The following LRBA variants were observed in gnomAD, a reference collection of about 807,000 sequenced individuals.
LRBA encodes the protein lipopolysaccharide-responsive and beige-like anchor protein.
LRBA carries 176 observed loss-of-function variants against 330.0 expected under a neutral mutation model. The observed-to-expected ratio is 0.53, with a 90% confidence interval of 0.47 to 0.60. LRBA has a LOEUF of 0.60. Ranked by LOEUF, LRBA falls within the 20% of genes least tolerant of loss-of-function variation. The pLI is 0.00. For synonymous variants in LRBA, 1,230 were observed against 1,193.0 expected (o/e 1.03, Z -0.64); for missense variants, 3,259 against 3,444.8 (o/e 0.95, Z 1.35).
At chr4:150,954,948 A>G (rs1187780343) in intron 2 of LRBA, among the ~76,000 whole-genome samples, 2 of 148,272 alleles carry the variant, frequency 1.3e-5, no homozygotes, top group African/African-American at 5.3e-5. Flanking sequence ...TAAACAACAC[A>G]CTCCTAAATA....
At chr4:150,372,301 T>C (rs1561081130) in intron 47 of LRBA, among the ~76,000 whole-genome samples, 1 of 151,980 alleles carries the variant, frequency 6.6e-6, no homozygotes, top group Non-Finnish European at 1.5e-5. Context: ...GTATTTTATT[T>C]CTGTATAAAA....
intron 47 of LRBA, among the ~76,000 whole-genome samples, chr4:150,355,634 T>C (rs1426554129): frequency 6.6e-6 from 1 of 152,110 alleles, no homozygotes; most frequent in African/African-American, 2.4e-5. Flanking sequence ...ACAAAGGTTC[T>C]GAGATACAAA....
At chr4:150,956,262 C>T (rs1204908473) in intron 2 of LRBA, among the ~76,000 whole-genome samples, 2 of 148,630 alleles carry the variant, frequency 1.3e-5, no homozygotes. Flanking sequence ...AATAATTAGA[C>T]AACTTAGATA....
In LRBA at chr4:150,806,361, G is replaced by A; in HGVS notation, c.5428C>T (p.Leu1810Phe). The A allele has an allele frequency of 1.2e-6, 2 of 1,610,886 alleles. No individual in the cohort carries two copies. The highest frequency in any genetic ancestry group is 1.7e-6 in the Non-Finnish European group (2 of 1,178,606). The change falls in exon 33 of 57, where the codon CTC becomes TTC. Residue 1810 changes from leucine (L) to phenylalanine (F), a missense_variant. Transcript: ENST00000651943. ...LEHALEKAAP[L>F]LREIFVDFAP... Reference sequence around the variant, plus strand: ...AAATCCACAAAAATCTCACGAAGGAGAGGAGCTGCCTTTTCCAAAGCGTGT... The same window carrying A: ...AAATCCACAAAAATCTCACGAAGGAAAGGAGCTGCCTTTTCCAAAGCGTGT...
intron 22 of LRBA, among the ~76,000 whole-genome samples, chr4:150,864,157 CAATCTCTTGGCCT>C (rs958238805): frequency 6.6e-6 from 1 of 151,872 alleles, no homozygotes; most frequent in Non-Finnish European, 1.5e-5. Flanking sequence ...AGGATGATCT[CAATCTCTTGGCCT>C]CATGATCCAC....
At chr4:150,970,522 C>T (rs1226501927) in intron 2 of LRBA, 3 of 58,758 alleles carry the variant, frequency 5.1e-5, no homozygotes, top group East Asian at 1.1e-3. Flanking sequence ...ATAATATATA[C>T]TTGTGTGTGT....
At chr4:150,648,382 A>G (rs1779406089) in intron 37 of LRBA, among the ~76,000 whole-genome samples, 1 of 151,968 alleles carries the variant, frequency 6.6e-6, no homozygotes, top group South Asian at 2.1e-4. Context: ...AGAAAGTTCA[A>G]GATCTAAGAA....
chr4:150,883,289 G>A (rs1235351158), intron 17 of LRBA, among the ~76,000 whole-genome samples: 1 of 151,976 alleles, frequency 6.6e-6, no homozygotes, highest in African/African-American at 2.4e-5. Context: ...GGTGAAACGT[G>A]TCTCTACTAA....
At chr4:150,267,888 C>A (rs1373602195) in intron 56 of LRBA, among the ~76,000 whole-genome samples, 3 of 151,874 alleles carry the variant, frequency 2.0e-5, no homozygotes, top group African/African-American at 7.3e-5. Context: ...GGGGAAACCT[C>A]GTCTCTACTA....
chr4:150,268,610 C>T (rs1080194), intron 56 of LRBA, among the ~76,000 whole-genome samples: 14,017 of 152,150 alleles, frequency 0.092, 928 homozygotes, highest in South Asian at 0.23. Flanking sequence ...AAAAGTCAAC[C>T]AACATATAAC....
intron 5 of LRBA, among the ~76,000 whole-genome samples, chr4:150,917,679 C>A (rs1386116255): frequency 6.6e-6 from 1 of 152,106 alleles, no homozygotes; most frequent in Non-Finnish European, 1.5e-5. Flanking sequence ...GTAATCCCAG[C>A]ACTTTGGGAG....
At chr4:150,504,566 C>T (rs1760784731) in intron 40 of LRBA, among the ~76,000 whole-genome samples, 1 of 152,172 alleles carries the variant, frequency 6.6e-6, no homozygotes, top group Non-Finnish European at 1.5e-5. Flanking sequence ...CACCACCAGG[C>T]CTGCCCTAAA....
chr4:150,827,714 G>A (rs1746477589), intron 30 of LRBA, among the ~76,000 whole-genome samples: 1 of 150,824 alleles, frequency 6.6e-6, no homozygotes, highest in African/African-American at 2.4e-5. Context: ...CGATTCTCCT[G>A]CCTCAGCCTC....
At chr4:150,857,862 T>C (rs574830464) in intron 22 of LRBA, among the ~76,000 whole-genome samples, 34 of 152,340 alleles carry the variant, frequency 2.2e-4, no homozygotes, top group African/African-American at 7.2e-4. Flanking sequence ...CTGAATCTTA[T>C]GCTCTTTACT....
At chr4:150,632,582 A>G (rs1777497754) in intron 37 of LRBA, among the ~76,000 whole-genome samples, 1 of 152,168 alleles carries the variant, frequency 6.6e-6, no homozygotes, top group African/African-American at 2.4e-5. Flanking sequence ...GGTGCTCCCA[A>G]AAACATTATT....
At chr4:150,529,124 C>A (rs1362958923) in intron 40 of LRBA, among the ~76,000 whole-genome samples, 1 of 152,108 alleles carries the variant, frequency 6.6e-6, no homozygotes. Context: ...TTTCATACAG[C>A]AAAATCATTA....
intron 34 of LRBA, among the ~76,000 whole-genome samples, chr4:150,797,747 G>A (rs1435838478): frequency 1.3e-5 from 2 of 152,020 alleles, no homozygotes; most frequent in African/African-American, 4.8e-5. Flanking sequence ...TCCCAGTGGA[G>A]TCAGCGTGGC....
At chr4:150,732,127 T>C (rs1226079349) in intron 36 of LRBA, among the ~76,000 whole-genome samples, 1 of 152,130 alleles carries the variant, frequency 6.6e-6, no homozygotes, top group Non-Finnish European at 1.5e-5. Context: ...TTTTCATAAT[T>C]TATTAACCTT....
At chr4:150,571,649 G>GTTTTTTTTTTTT (rs58652637) in intron 40 of LRBA, among the ~76,000 whole-genome samples, 1 of 74,594 alleles carries the variant, frequency 1.3e-5, no homozygotes, top group African/African-American at 4.5e-5. Context: ...CTGGTTAGTT[G>GTTTTTTTTTTTT]TTTTTTTTTT....
Sources: gnomAD v4.1 joint callset for allele counts (sites outside exome capture counted in the v4.1 genomes callset) on GRCh38, gnomAD v4.1.1 for gene constraint, MANE v1.5 for transcripts, NCBI Gene and HGNC (gene_info 2026-07-23, HGNC 2026-07-21) for gene names.